The following PCNX2 variants were observed in gnomAD, a reference collection of about 807,000 sequenced individuals.
PCNX2 encodes the protein pecanex-like protein 2.
In PCNX2, 168 loss-of-function variants were observed where a neutral mutation model predicts 223.8. That is an observed-to-expected ratio of 0.75 (90% CI 0.66 to 0.85). The LOEUF (loss-of-function observed/expected upper bound fraction) is 0.85, where lower values mean the gene tolerates loss of function less well. Among genes scored for constraint, PCNX2 ranks in the 40% least tolerant of loss-of-function variants. The probability of loss-of-function intolerance (pLI) is 0.00; values close to 1 mark genes in which losing one functional copy is unlikely to be tolerated. For synonymous variants in PCNX2, 1,006 were observed against 1,052.6 expected (o/e 0.96, Z 0.86); for missense variants, 2,507 against 2,675.5 (o/e 0.94, Z 1.39).
At chr1:233,248,122 TG>T (rs1264143008) in intron 8 of PCNX2, among the ~76,000 whole-genome samples, 12 of 152,172 alleles carry the variant, frequency 7.9e-5, no homozygotes, top group Non-Finnish European at 7.3e-5. Context: ...GAAAGTTGCT[TG>T]CAAAAAACTT....
chr1:232,998,486 A>G (rs747126759), intron 31 of PCNX2, 48 bp from the exon 32 acceptor site: 5 of 1,587,068 alleles, frequency 3.2e-6, no homozygotes, highest in Admixed American at 3.5e-5. Flanking sequence ...CACACTTCCA[A>G]TCCCCCTAAA....
At chr1:233,093,234 A>G (rs1205622442) in intron 22 of PCNX2, among the ~76,000 whole-genome samples, 2 of 152,202 alleles carry the variant, frequency 1.3e-5, no homozygotes, top group Non-Finnish European at 2.9e-5. Context: ...TTAGAAGACA[A>G]TGGTCTTGCA....
At chr1:233,187,532 G>T (rs1423905275) in intron 15 of PCNX2, among the ~76,000 whole-genome samples, 1 of 152,084 alleles carries the variant, frequency 6.6e-6, no homozygotes, top group Non-Finnish European at 1.5e-5. Context: ...TGCTCTCGGG[G>T]CTTACTACCA....
intron 10 of PCNX2, among the ~76,000 whole-genome samples, chr1:233,223,952 C>A (rs1423011549): frequency 2.0e-5 from 3 of 152,170 alleles, no homozygotes; most frequent in African/African-American, 7.2e-5. Context: ...ACATCAGTGC[C>A]CTTCCCTCTC....
rs12075409 is a variant in PCNX2 at position 233,200,319 on chromosome 1, C to T, written c.2864-55G>A. 6.5e-3 allele frequency: 8,544 copies of T among 1,314,454 alleles called. 452 individuals are homozygous for T. In the African/African-American group the frequency reaches 0.11, roughly 17 times the overall value. The allele number at this position is 1,314,454 out of a possible 1,614,324, so 81.4% of individuals were successfully genotyped here. A position where few individuals can be genotyped will look rare whatever the true frequency, so the allele number is the denominator to read the frequency against. Reference sequence around the variant, plus strand: ...AGCATGGGGAACTGTGTTGCCAAGGCTCCTGCTGCAGTGCTGTCTCTCTCC... The same window carrying T: ...AGCATGGGGAACTGTGTTGCCAAGGTTCCTGCTGCAGTGCTGTCTCTCTCC... On this transcript the variant is annotated intron_variant, in intron 13 of 33. Coordinates refer to ENST00000258229, the MANE Select transcript of PCNX2 (RefSeq NM_014801.4).
chr1:233,271,514 T>C (rs1289480249), intron 1 of PCNX2, among the ~76,000 whole-genome samples: 1 of 150,354 alleles, frequency 6.7e-6, no homozygotes, highest in East Asian at 1.9e-4. Context: ...CTTTCAAGCC[T>C]ATATCAATTA....
At chr1:233,284,977 T>C (rs1332940423) in intron 1 of PCNX2, 1 of 985,206 alleles carries the variant, frequency 1.0e-6, no homozygotes, top group Non-Finnish European at 1.2e-6. Flanking sequence ...ACAGTCCGTG[T>C]TCCTAACTAC....
intron 21 of PCNX2, among the ~76,000 whole-genome samples, chr1:233,130,005 G>C (rs1676371695): frequency 6.6e-6 from 1 of 152,130 alleles, no homozygotes; most frequent in Admixed American, 6.6e-5. Flanking sequence ...TCACTGCGAA[G>C]GTCTGCAGCT....
At chr1:233,116,990 G>C (rs902117955) in intron 21 of PCNX2, among the ~76,000 whole-genome samples, 10 of 152,194 alleles carry the variant, frequency 6.6e-5, no homozygotes, top group African/African-American at 2.4e-4. Flanking sequence ...GGCAATAAGG[G>C]AATACTATGA....
Position 233,258,769 on chromosome 1 carries a change from C to T in PCNX2, c.1093G>A (p.Gly365Arg), listed in dbSNP as rs572250857. ...AVTLIDTSQP[G>R]DPLSLHEPIK... The stretch of plus-strand genomic sequence containing the variant: ...GGCTCATGTAGACTCAGTGGGTCTC[C>T]GGGTTGAGAAGTATCGATGAGAGTA... Residue 365 changes from glycine to arginine, a missense_variant, in exon 5 of 34, where the codon GGA becomes AGA. By Grantham distance (125) the Gly-to-Arg change is moderately radical. Transcript: ENST00000258229. The T allele has an allele frequency of 4.6e-5, 74 of 1,613,844 alleles. No homozygotes were observed. Among genetic ancestry groups the T allele is most frequent in the Middle Eastern group, 1.7e-4 (1 of 6,060 alleles).
rs1483999950 is a variant in PCNX2, at chr1:233,000,710, A to G, written c.5098-175T>C. Among the ~76,000 whole-genome samples, 1 of 152,040 alleles carries G rather than the reference A, an allele frequency of 6.6e-6. No homozygotes were observed. Among genetic ancestry groups the G allele is most frequent in the African/African-American group, 2.4e-5 (1 of 41,376 alleles). ...GGCACAGAGGACACCTCTTTATCTC[A>G]TTGCCCTAACCAATGGAATGTGCCT... is the stretch of plus-strand genomic sequence containing the variant. On this transcript the variant is annotated intron_variant, in intron 29 of 33. Coordinates refer to ENST00000258229, the MANE Select transcript of PCNX2 (RefSeq NM_014801.4). The surrounding 1 kb of genome is among the most constrained non-coding windows in gnomAD (Gnocchi z 4.6).
intron 17 of PCNX2, among the ~76,000 whole-genome samples, chr1:233,169,809 A>G (rs1253765638): frequency 1.3e-5 from 2 of 151,972 alleles, no homozygotes; most frequent in Non-Finnish European, 2.9e-5. Flanking sequence ...CTGATCAAAA[A>G]TCCTTCTCTC....
rs1670086431 is a variant in PCNX2, at chr1:233,001,514, AAATAAAT to A, written c.5097+16_5097+22del. Reference sequence around the variant, plus strand: ...TAAATAAATAAATAAATAAATAAATAAATAAATAAAATAGGTTTTTACCTGGTGAAGT... The same window carrying A: ...TAAATAAATAAATAAATAAATAAATAAAAATAGGTTTTTACCTGGTGAAGT... On this transcript the variant is annotated intron_variant, in intron 29 of 33. Coordinates refer to ENST00000258229, the MANE Select transcript of PCNX2 (RefSeq NM_014801.4). The surrounding 1 kb of genome is among the most constrained non-coding windows in gnomAD (Gnocchi z 4.2). 5.6e-6 allele frequency: 7 copies of A among 1,239,772 alleles called. No homozygotes were observed. In the East Asian group the frequency reaches 2.0e-4, roughly 36 times the overall value. 76.8% of individuals were successfully genotyped at this position (1,239,772 alleles called of 1,614,324 possible).
intron 32 of PCNX2, among the ~76,000 whole-genome samples, chr1:232,993,108 G>A (rs747964498): frequency 2.6e-5 from 4 of 152,216 alleles, no homozygotes; most frequent in Non-Finnish European, 4.4e-5. Flanking sequence ...TTGGAACTGG[G>A]TAATAGGCAG....
the PCNX2 span, among the ~76,000 whole-genome samples, chr1:233,310,284 A>G: frequency 6.6e-6 from 1 of 152,264 alleles, no homozygotes; most frequent in South Asian, 2.1e-4. Context: ...AAATAAGTAA[A>G]GATCAAAATA....
At chr1:233,115,804 A>G (rs545751184) in intron 21 of PCNX2, among the ~76,000 whole-genome samples, 2 of 152,190 alleles carry the variant, frequency 1.3e-5, no homozygotes, top group South Asian at 4.1e-4. Flanking sequence ...GACAAACATA[A>G]ACACTACCAT....
chr1:233,241,959 T>C (rs1658798051), intron 8 of PCNX2, among the ~76,000 whole-genome samples: 1 of 152,166 alleles, frequency 6.6e-6, no homozygotes, highest in Non-Finnish European at 1.5e-5. Context: ...CTTATCTTCT[T>C]TGGGAACCAG....
chr1:233,212,074 T>C (rs1244833227), intron 12 of PCNX2, among the ~76,000 whole-genome samples: 1 of 152,226 alleles, frequency 6.6e-6, no homozygotes, highest in African/African-American at 2.4e-5. Context: ...ACATTATTTT[T>C]TGGTGGCTGT....
chr1:233,108,735 G>A (rs1200171845), intron 21 of PCNX2, among the ~76,000 whole-genome samples: 2 of 152,098 alleles, frequency 1.3e-5, no homozygotes, highest in African/African-American at 2.4e-5. Context: ...GGGAGGGAAG[G>A]GATTGTTTAA....
Sources: allele counts gnomAD v4.1 joint callset (sites outside exome capture counted in the v4.1 genomes callset), GRCh38; gene constraint gnomAD v4.1.1; non-coding constraint Gnocchi (gnomAD v3.1); transcripts MANE v1.5; gene names NCBI Gene and HGNC (gene_info 2026-07-23, HGNC 2026-07-21).